The following GLCCI1 variants were observed in gnomAD, a reference collection of about 807,000 sequenced individuals.
GLCCI1 encodes the protein glucocorticoid induced 1.
GLCCI1 carries 24 observed loss-of-function variants against 52.2 expected under a neutral mutation model. That is an observed-to-expected ratio of 0.46 (90% CI 0.33 to 0.65). The LOEUF is 0.65. Ranked by LOEUF, GLCCI1 falls within the 30% of genes least tolerant of loss-of-function variation. The probability of loss-of-function intolerance (pLI) is 0.02; values close to 1 mark genes in which losing one functional copy is unlikely to be tolerated. For synonymous variants in GLCCI1, 310 were observed against 276.5 expected (o/e 1.12, Z -1.20); for missense variants, 704 against 701.5 (o/e 1.00, Z -0.04).
At chr7:8,052,052 T>C (rs1584001899) in intron 3 of GLCCI1, among the ~76,000 whole-genome samples, 1 of 152,228 alleles carries the variant, frequency 6.6e-6, no homozygotes, top group African/African-American at 2.4e-5. Context: ...AGGTCACCTT[T>C]GTGTGAATTA....
chr7:8,010,873 A>G (rs1781249467), intron 2 of GLCCI1, among the ~76,000 whole-genome samples: 1 of 152,114 alleles, frequency 6.6e-6, no homozygotes. Context: ...TGCTTTTTCC[A>G]TTTGATGGAT....
intron 6 of GLCCI1, among the ~76,000 whole-genome samples, chr7:8,080,548 G>T (rs1433620141): frequency 1.3e-5 from 2 of 151,320 alleles, no homozygotes; most frequent in Non-Finnish European, 2.9e-5. Context: ...GTTCATGTCA[G>T]GCAGTTATAA....
intron 5 of GLCCI1, among the ~76,000 whole-genome samples, chr7:8,066,180 A>C (rs73053556): frequency 2.0e-5 from 3 of 152,162 alleles, no homozygotes; most frequent in African/African-American, 7.2e-5. Flanking sequence ...TCTAGCTTGT[A>C]TGCACAGAGG....
chr7:8,073,198 C>G (rs542914796), intron 6 of GLCCI1, among the ~76,000 whole-genome samples: 1 of 152,220 alleles, frequency 6.6e-6, no homozygotes, highest in African/African-American at 2.4e-5. Flanking sequence ...ATAAAACCTG[C>G]ATTAATTCTC....
At chr7:8,044,205 A>AGG (rs1010983637) in intron 3 of GLCCI1, among the ~76,000 whole-genome samples, 7 of 152,114 alleles carry the variant, frequency 4.6e-5, no homozygotes, top group African/African-American at 1.7e-4. Flanking sequence ...TCAGCCTCCC[A>AGG]AAGTGCTGGG....
chr7:8,083,209 A>G (rs1783034827), intron 6 of GLCCI1, among the ~76,000 whole-genome samples: 1 of 152,186 alleles, frequency 6.6e-6, no homozygotes, highest in South Asian at 2.1e-4. Context: ...AGTGTGAAAT[A>G]TGCACATCAT....
rs1554262340 is a variant in GLCCI1, at chr7:8,053,323, T to TTTTTG, written c.697-2107_697-2106insTGTTT. 6.2e-4 allele frequency among the ~76,000 whole-genome samples: 85 copies of TTTTTG among 136,164 alleles called. 2 individuals carry two copies. In the South Asian group the frequency reaches 9.1e-3, roughly 15 times the overall value. 89.3% of individuals were successfully genotyped at this position (136,164 alleles called of 152,430 possible). A position where few individuals can be genotyped will look rare whatever the true frequency, so the allele number is the denominator to read the frequency against. Reference sequence around the variant, plus strand: ...TGTTTTTTTTTGTTTTCGTTTTTTTTTTTGTTTGTTTGTTTGTTTTGAGAC... The same window carrying TTTTTG: ...TGTTTTTTTTTGTTTTCGTTTTTTTTTTTTGTTTGTTTGTTTGTTTGTTTTGAGAC... On this transcript the variant is annotated intron_variant, in intron 3 of 7. Coordinates refer to ENST00000223145, the MANE Select transcript of GLCCI1 (RefSeq NM_138426.4).
chr7:8,002,709 T>A (rs1282593395), intron 1 of GLCCI1, among the ~76,000 whole-genome samples: 1 of 152,216 alleles, frequency 6.6e-6, no homozygotes, highest in Non-Finnish European at 1.5e-5. Context: ...GAGATATGAC[T>A]CTGAAAAGAG....
intron 5 of GLCCI1, among the ~76,000 whole-genome samples, chr7:8,062,593 G>C (rs1292268835): frequency 6.6e-6 from 1 of 152,218 alleles, no homozygotes; most frequent in Non-Finnish European, 1.5e-5. Flanking sequence ...TGATAAGGTA[G>C]TTTTTCAATC....
intron 6 of GLCCI1, among the ~76,000 whole-genome samples, chr7:8,073,166 T>G (rs1402831389): frequency 6.6e-6 from 1 of 152,196 alleles, no homozygotes; most frequent in East Asian, 1.9e-4. Flanking sequence ...GGAATGCATT[T>G]GAATCCTGGG....
intron 6 of GLCCI1, among the ~76,000 whole-genome samples, chr7:8,082,719 T>C (rs765347237): frequency 2.6e-5 from 4 of 152,218 alleles, no homozygotes; most frequent in Non-Finnish European, 5.9e-5. Context: ...GGTAAAACTC[T>C]GTTAAAAGAT....
chr7:8,010,390 A>C (rs1378005276), intron 2 of GLCCI1, among the ~76,000 whole-genome samples: 1 of 152,202 alleles, frequency 6.6e-6, no homozygotes, highest in Non-Finnish European at 1.5e-5. Flanking sequence ...CTTGTAAAAG[A>C]AAAAAGTCAC....
chr7:8,066,519 G>A (rs1219731369), intron 5 of GLCCI1, among the ~76,000 whole-genome samples: 1 of 150,852 alleles, frequency 6.6e-6, no homozygotes, highest in Non-Finnish European at 1.5e-5. Context: ...TGGACCTTTA[G>A]AGCTTGTAAA....
chr7:8,087,372 G>A lies in GLCCI1; in HGVS notation c.*834G>A, dbSNP rs1783138632. 6.6e-6 allele frequency: 1 copy of A among 152,622 alleles called. No individual in the cohort carries two copies. Among genetic ancestry groups the A allele is most frequent in the Non-Finnish European group, 1.5e-5 (1 of 68,038 alleles). 9.5% of individuals were successfully genotyped at this position (152,622 alleles called of 1,614,324 possible). A position where few individuals can be genotyped will look rare whatever the true frequency, so the allele number is the denominator to read the frequency against. On this transcript the variant is annotated 3_prime_UTR_variant, in exon 8 of 8. Transcript: ENST00000223145. Reference sequence around the variant, plus strand: ...TACATGTGGCTTTTTTAAAAGTTCAGGTGTTGCTCAGTAAAGGACTGTGAC... The same window carrying A: ...TACATGTGGCTTTTTTAAAAGTTCAAGTGTTGCTCAGTAAAGGACTGTGAC...
At position 8,087,725 on chromosome 7, in the gene GLCCI1, A is replaced by G. The variant is rs1039723058; in HGVS notation, c.*1187A>G. ...ATACTTGGGTCTCAGAATTGATGCAACATAAGCAGGTTTTTTTGGTGACTT... is the reference window on the plus strand; with the variant it reads ...ATACTTGGGTCTCAGAATTGATGCAGCATAAGCAGGTTTTTTTGGTGACTT... On this transcript the variant is annotated 3_prime_UTR_variant, in exon 8 of 8. Transcript: ENST00000223145. 2.7e-4 allele frequency: 39 copies of G among 143,984 alleles called. No homozygotes were observed. The highest frequency in any genetic ancestry group is 9.1e-4 in the African/African-American group (35 of 38,442). The allele number at this position is 143,984 out of a possible 1,614,324, so 8.9% of individuals were successfully genotyped here. A position where few individuals can be genotyped will look rare whatever the true frequency, so the allele number is the denominator to read the frequency against.
intron 3 of GLCCI1, among the ~76,000 whole-genome samples, chr7:8,040,712 T>G (rs1212200409): frequency 6.6e-6 from 1 of 152,156 alleles, no homozygotes; most frequent in Non-Finnish European, 1.5e-5. Context: ...AAATTTAGCA[T>G]ACAACCCAAC....
At chr7:8,035,672 G>C (rs377438191) in intron 3 of GLCCI1, among the ~76,000 whole-genome samples, 1 of 152,216 alleles carries the variant, frequency 6.6e-6, no homozygotes, top group Non-Finnish European at 1.5e-5. Context: ...GCAGTAAGCT[G>C]TGAGATGGGC....
Position 8,003,973 on chromosome 7 carries a change from A to G in GLCCI1, c.523A>G (p.Thr175Ala), listed in dbSNP as rs1292849005. 3 of 1,613,888 alleles carry G rather than the reference A, an allele frequency of 1.9e-6. No homozygotes were observed. The highest frequency in any genetic ancestry group is 2.2e-5 in the East Asian group (1 of 44,874). ...STIRRTSSLDTITGPYLTGQW... is the reference protein window; with the variant it reads ...STIRRTSSLDAITGPYLTGQW... The stretch of plus-strand genomic sequence containing the variant: ...AATAAGGCGAACCTCCTCTTTGGAT[A>G]CAATAACAGGACCTTACCTCACAGG... The change falls in exon 2 of 8, where the codon ACA becomes GCA. Residue 175 changes from threonine to alanine, a missense_variant. By Grantham distance (58) the Thr-to-Ala change is moderately conservative. Around this residue, in one of 3 missense-constraint regions of GLCCI1, gnomAD observed 547 missense variants for 524.8 expected, o/e 1.04. Transcript: ENST00000223145.
In GLCCI1 at chr7:8,086,292, A is replaced by G; in HGVS notation, c.1398A>G (p.Leu466=). The part of the protein sequence containing the change: ...TGSAFCPVKL[L]GPLLPASDLM... ...CAGCTTTCTGTCCTGTAAAACTTCTAGGCCCCCTCTTACCTGCTTCTGACC... is the reference window on the plus strand; with the variant it reads ...CAGCTTTCTGTCCTGTAAAACTTCTGGGCCCCCTCTTACCTGCTTCTGACC... Residue 466 remains leucine, a synonymous_variant, in exon 8 of 8, where the codon CTA becomes CTG. Transcript: ENST00000223145. This position sits in a 1 kb window ranked among gnomAD's most constrained non-coding sequence, Gnocchi z 4.4. 7.4e-6 allele frequency: 12 copies of G among 1,614,094 alleles called. No homozygotes were observed. Among genetic ancestry groups the G allele is most frequent in the South Asian group, 1.1e-5 (1 of 91,078 alleles).
Sources: gnomAD v4.1 joint callset for allele counts (sites outside exome capture counted in the v4.1 genomes callset) on GRCh38, gnomAD v4.1.1 for gene constraint, gnomAD v4.1.1 regional missense constraint, Gnocchi (gnomAD v3.1) non-coding constraint, MANE v1.5 for transcripts, NCBI Gene and HGNC (gene_info 2026-07-23, HGNC 2026-07-21) for gene names.